The following DAB1 variants were observed in gnomAD, a reference collection of about 807,000 sequenced individuals.
DAB1 encodes DAB adaptor protein 1.
In DAB1, 15 loss-of-function variants were observed where a neutral mutation model predicts 64.6. That is an observed-to-expected ratio of 0.23 (90% CI 0.16 to 0.36). The LOEUF (loss-of-function observed/expected upper bound fraction) is 0.36, where lower values mean the gene tolerates loss of function less well. Among genes scored for constraint, DAB1 ranks in the 10% least tolerant of loss-of-function variants. DAB1 has a pLI of 1.00. For synonymous variants in DAB1, 235 were observed against 251.9 expected (o/e 0.93, Z 0.64); for missense variants, 596 against 706.7 (o/e 0.84, Z 1.78).
chr1:58,387,433 T>C (rs1198061637), intron 3 of DAB1, among the ~76,000 whole-genome samples: 1 of 152,174 alleles, frequency 6.6e-6, no homozygotes, highest in Non-Finnish European at 1.5e-5. Context: ...GAGTGAGTGA[T>C]TTTTAGGGAA....
At chr1:57,151,977 C>T (rs975881666) in intron 2 of DAB1, among the ~76,000 whole-genome samples, 2 of 151,952 alleles carry the variant, frequency 1.3e-5, no homozygotes, top group Non-Finnish European at 1.5e-5. Context: ...CCATGCCCGG[C>T]TGATTTTTGT....
intron 4 of DAB1, among the ~76,000 whole-genome samples, chr1:57,115,765 A>G (rs1273751862): frequency 6.6e-6 from 1 of 152,150 alleles, no homozygotes. Flanking sequence ...AAAGGTGAAA[A>G]CACTCCAACT....
At chr1:57,907,457 C>T (rs2102003386) in intron 5 of DAB1, among the ~76,000 whole-genome samples, 1 of 152,298 alleles carries the variant, frequency 6.6e-6, no homozygotes, top group Non-Finnish European at 1.5e-5. Context: ...ACACAAGCAC[C>T]CAAGTGCCTG....
intron 4 of DAB1, among the ~76,000 whole-genome samples, chr1:58,221,781 C>A (rs1659184098): frequency 6.6e-6 from 1 of 152,202 alleles, no homozygotes. Flanking sequence ...CAATGATGGC[C>A]AGGACCACCA....
At chr1:58,490,839 G>A (rs1183966922) in intron 3 of DAB1, among the ~76,000 whole-genome samples, 10 of 110,454 alleles carry the variant, frequency 9.1e-5, no homozygotes, top group East Asian at 6.2e-4. Flanking sequence ...ACGGACTCTC[G>A]CTCTCGCCCA....
chr1:57,441,401 G>T (rs1570523302), intron 7 of DAB1, among the ~76,000 whole-genome samples: 1 of 149,632 alleles, frequency 6.7e-6, no homozygotes, highest in Admixed American at 6.7e-5. Flanking sequence ...CTTTGGAGAG[G>T]CTGGAGTGTA....
intron 3 of DAB1, among the ~76,000 whole-genome samples, chr1:58,393,744 G>C (rs1231887191): frequency 6.6e-6 from 1 of 152,184 alleles, no homozygotes; most frequent in African/African-American, 2.4e-5. Context: ...GGAAAGGGGA[G>C]ATGTTAATAA....
At chr1:57,733,326 C>G (rs1323182227) in intron 6 of DAB1, among the ~76,000 whole-genome samples, 1 of 151,680 alleles carries the variant, frequency 6.6e-6, no homozygotes, top group East Asian at 1.9e-4. Flanking sequence ...TATTTATTGT[C>G]TGTCTTGCCT....
chr1:58,336,502 C>G (rs1184559618), intron 4 of DAB1, among the ~76,000 whole-genome samples: 1 of 151,932 alleles, frequency 6.6e-6, no homozygotes, highest in Admixed American at 6.6e-5. Flanking sequence ...AAATATCATC[C>G]CAAGAAACCA....
At chr1:57,103,117 G>T (rs1248110364) in intron 4 of DAB1, among the ~76,000 whole-genome samples, 1 of 152,142 alleles carries the variant, frequency 6.6e-6, no homozygotes. Context: ...ATCCCTGGGT[G>T]CTAACAGCTG....
At chr1:58,248,506 T>C (rs1660655335) in intron 4 of DAB1, among the ~76,000 whole-genome samples, 1 of 151,980 alleles carries the variant, frequency 6.6e-6, no homozygotes, top group Non-Finnish European at 1.5e-5. Flanking sequence ...GTTGCAAAAA[T>C]CCCTCTGCCC....
intron 5 of DAB1, among the ~76,000 whole-genome samples, chr1:58,078,536 A>G (rs1032428987): frequency 1.3e-5 from 2 of 152,212 alleles, no homozygotes; most frequent in Non-Finnish European, 2.9e-5. Flanking sequence ...CTAAAGTCCT[A>G]TGATGTTAGC....
intron 2 of DAB1, among the ~76,000 whole-genome samples, chr1:57,234,256 A>T (rs197633): frequency 1 from 151,624 of 152,292 alleles, 75,482 homozygotes; most frequent in Middle Eastern, 1. Context: ...TGAATCATAA[A>T]GATTATGGTC....
intron 5 of DAB1, among the ~76,000 whole-genome samples, chr1:57,901,114 G>A (rs1292862792): frequency 6.6e-6 from 1 of 152,132 alleles, no homozygotes. Context: ...CTTACAGAAG[G>A]TAAGCTGTTC....
chr1:57,559,031 A>C (rs1645021756), intron 7 of DAB1, among the ~76,000 whole-genome samples: 1 of 152,216 alleles, frequency 6.6e-6, no homozygotes, highest in African/African-American at 2.4e-5. Flanking sequence ...CAAAATTTAA[A>C]TACAATAGGA....
chr1:57,272,174 G>A (rs1280290296), intron 2 of DAB1, among the ~76,000 whole-genome samples: 1 of 152,158 alleles, frequency 6.6e-6, no homozygotes, highest in Non-Finnish European at 1.5e-5. Flanking sequence ...TCATGAGTGG[G>A]TTACATTCTA....
At chr1:58,431,199 A>G (rs1165079282) in intron 3 of DAB1, among the ~76,000 whole-genome samples, 1 of 152,178 alleles carries the variant, frequency 6.6e-6, no homozygotes, top group Admixed American at 6.5e-5. Context: ...TCTGTGAATC[A>G]TGCTCCTAAA....
intron 4 of DAB1, among the ~76,000 whole-genome samples, chr1:58,255,746 A>G (rs192263078): frequency 6.6e-6 from 1 of 152,316 alleles, no homozygotes; most frequent in Non-Finnish European, 1.5e-5. Flanking sequence ...TTTGCCAGAT[A>G]AAAGGAAGGA....
chr1:58,249,815 G>A (rs894287289), intron 4 of DAB1, among the ~76,000 whole-genome samples: 1 of 152,164 alleles, frequency 6.6e-6, no homozygotes, highest in African/African-American at 2.4e-5. Flanking sequence ...GGGTTCCCAG[G>A]GGTCGCCCTG....
Sources: allele counts gnomAD v4.1 joint callset (sites outside exome capture counted in the v4.1 genomes callset), GRCh38; gene constraint gnomAD v4.1.1; transcripts MANE v1.5; gene names NCBI Gene and HGNC (gene_info 2026-07-23, HGNC 2026-07-21).